The following ADARB2 variants were observed in gnomAD, a reference collection of about 807,000 sequenced individuals.
The protein encoded by ADARB2 is adenosine deaminase RNA specific B2 (inactive), also known as inactive double-stranded RNA-specific editase B2.
A neutral mutation model predicts 62.2 loss-of-function variants in ADARB2; 25 were observed. That is an observed-to-expected ratio of 0.40 (90% CI 0.29 to 0.56). The LOEUF (loss-of-function observed/expected upper bound fraction) is 0.56, where lower values mean the gene tolerates loss of function less well. Among genes scored for constraint, ADARB2 ranks in the 20% least tolerant of loss-of-function variants. The pLI is 0.43. For missense variants in ADARB2, 1,071 were observed against 1,077.4 expected (o/e 0.99, Z 0.08); for synonymous variants, 572 against 500.8 (o/e 1.14, Z -1.90).
intron 1 of ADARB2, among the ~76,000 whole-genome samples, chr10:1,441,511 G>T (rs1287647538): frequency 6.6e-6 from 1 of 152,116 alleles, no homozygotes; most frequent in Non-Finnish European, 1.5e-5. Flanking sequence ...AACAGTTAAA[G>T]ATATTTTCCA....
intron 1 of ADARB2, among the ~76,000 whole-genome samples, chr10:1,497,799 A>G (rs1318241427): frequency 1.3e-5 from 2 of 152,048 alleles, no homozygotes; most frequent in Non-Finnish European, 2.9e-5. Context: ...CTGCAGAAGT[A>G]ACCACTTTAA....
At chr10:1,279,016 T>G (rs1440244915) in intron 3 of ADARB2, among the ~76,000 whole-genome samples, 2 of 152,138 alleles carry the variant, frequency 1.3e-5, no homozygotes, top group Non-Finnish European at 2.9e-5. Flanking sequence ...AAAAGTTGGT[T>G]ATTTTTCCCA....
In ADARB2 at chr10:1,216,718, C is replaced by T. The variant is rs532771792; in HGVS notation, c.1682+233G>A. Reference sequence around the variant, plus strand: ...TGCTCGGGGCTGTTTGCCTCTGCAGCGGCAGCCTCGGGTGGCAGGGCCTTG... The same window carrying T: ...TGCTCGGGGCTGTTTGCCTCTGCAGTGGCAGCCTCGGGTGGCAGGGCCTTG... On this transcript the variant is annotated intron_variant, in intron 7 of 9. Coordinates refer to ENST00000381312, the MANE Select transcript of ADARB2 (RefSeq NM_018702.4). 6.5e-5 allele frequency: 38 copies of T among 586,666 alleles called. 1 individual carries two copies. The highest frequency in any genetic ancestry group is 4.6e-4 in the Middle Eastern group (1 of 2,160). 36.3% of individuals were successfully genotyped at this position (586,666 alleles called of 1,614,324 possible). A position where few individuals can be genotyped will look rare whatever the true frequency, so the allele number is the denominator to read the frequency against.
At chr10:1,677,557 C>A (rs148472792) in intron 1 of ADARB2, among the ~76,000 whole-genome samples, 1 of 152,136 alleles carries the variant, frequency 6.6e-6, no homozygotes, top group South Asian at 2.1e-4. Flanking sequence ...GTGTCCTAGC[C>A]GGGACCCAAA....
At chr10:1,721,363 A>T (rs1835090325) in intron 1 of ADARB2, among the ~76,000 whole-genome samples, 1 of 152,260 alleles carries the variant, frequency 6.6e-6, no homozygotes, top group Non-Finnish European at 1.5e-5. Flanking sequence ...AGAAAGAACA[A>T]GTATCAAACA....
chr10:1,256,585 T>G (rs769274346), intron 4 of ADARB2, among the ~76,000 whole-genome samples: 1 of 152,180 alleles, frequency 6.6e-6, no homozygotes, highest in Non-Finnish European at 1.5e-5. Context: ...ACATAGAATT[T>G]GGGGTAGGAT....
chr10:1,425,539 G>A (rs1288994622), intron 1 of ADARB2, among the ~76,000 whole-genome samples: 2 of 152,198 alleles, frequency 1.3e-5, no homozygotes, highest in Non-Finnish European at 2.9e-5. Context: ...CATACTCCCA[G>A]TCCTCTGTCA....
intron 1 of ADARB2, among the ~76,000 whole-genome samples, chr10:1,513,349 C>T (rs1588283536): frequency 6.6e-6 from 1 of 152,182 alleles, no homozygotes; most frequent in South Asian, 2.1e-4. Flanking sequence ...CTGGCTATGA[C>T]GGGATGACCG....
intron 1 of ADARB2, 64 bp downstream of exon 1, chr10:1,736,987 G>C: frequency 6.5e-7 from 1 of 1,541,652 alleles, no homozygotes; most frequent in East Asian, 2.2e-5. Context: ...GACCCCATGA[G>C]AGGCCGGGGT....
intron 1 of ADARB2, among the ~76,000 whole-genome samples, chr10:1,575,994 AAAGGGAAGTTCAGGATCCATG>A (rs1833008671): frequency 3.5e-4 from 11 of 31,538 alleles, no homozygotes; most frequent in Admixed American, 4.6e-4. Flanking sequence ...CAGGGTCACT[AAAGGGAAGTTCAGGATCCATG>A]GGAGGGGGCC....
chr10:1,575,927 A>G (rs1470137150), intron 1 of ADARB2, among the ~76,000 whole-genome samples: 1 of 45,654 alleles, frequency 2.2e-5, no homozygotes, highest in Admixed American at 1.8e-4. Context: ...AGGGGCACCT[A>G]TAGCTGCAGA....
rs180731831 is a variant in ADARB2, at chr10:1,580,102, C to A, written c.100+156949G>T. On this transcript the variant is annotated intron_variant, in intron 1 of 9. Transcript: ENST00000381312. ...ATTGTCTATGCTGTGTGCCAGATTT[C>A]TTTCTTATTTTTAAAAAACCTTTAT... Among the ~76,000 whole-genome samples, 50 of 152,320 alleles carry A rather than the reference C, an allele frequency of 3.3e-4. 1 individual carries two copies. In the East Asian group the frequency reaches 9.3e-3, roughly 28 times the overall value.
chr10:1,466,797 G>T (rs953998347), intron 1 of ADARB2, among the ~76,000 whole-genome samples: 1 of 152,218 alleles, frequency 6.6e-6, no homozygotes, highest in African/African-American at 2.4e-5. Context: ...CGTTCCCCGT[G>T]ACATGGGATG....
chr10:1,673,688 A>G (rs527463508), intron 1 of ADARB2, among the ~76,000 whole-genome samples: 2 of 152,310 alleles, frequency 1.3e-5, no homozygotes, highest in East Asian at 3.9e-4. Context: ...GAAAGGGCGA[A>G]TCCCTCCAAT....
chr10:1,223,276 G>A (rs1830712567), intron 6 of ADARB2, among the ~76,000 whole-genome samples: 1 of 152,204 alleles, frequency 6.6e-6, no homozygotes, highest in Non-Finnish European at 1.5e-5. Context: ...TGTATCCTGA[G>A]ACTTTGCTGA....
intron 1 of ADARB2, among the ~76,000 whole-genome samples, chr10:1,591,847 C>T (rs7896504): frequency 0.25 from 37,597 of 152,136 alleles, 5,053 homozygotes; most frequent in African/African-American, 0.34. Flanking sequence ...CTCTGTGTAG[C>T]GCTGGTATCT....
At chr10:1,413,265 G>T (rs1484045954) in intron 1 of ADARB2, among the ~76,000 whole-genome samples, 2 of 152,034 alleles carry the variant, frequency 1.3e-5, no homozygotes, top group African/African-American at 2.4e-5. Flanking sequence ...GTGCAGGAAG[G>T]GGGTCCCCAG....
chr10:1,593,263 T>G (rs1383423670), intron 1 of ADARB2, among the ~76,000 whole-genome samples: 1 of 84,100 alleles, frequency 1.2e-5, no homozygotes, highest in African/African-American at 5.2e-5. Context: ...TCACCCAGCT[T>G]CCCTCACCCA....
At chr10:1,725,989 C>T (rs1447846325) in intron 1 of ADARB2, among the ~76,000 whole-genome samples, 2 of 152,238 alleles carry the variant, frequency 1.3e-5, no homozygotes, top group Non-Finnish European at 2.9e-5. Context: ...TATGTACAAA[C>T]AGTATACAGC....
Sources: allele counts gnomAD v4.1 joint callset (sites outside exome capture counted in the v4.1 genomes callset), GRCh38; gene constraint gnomAD v4.1.1; transcripts MANE v1.5; gene names NCBI Gene and HGNC (gene_info 2026-07-23, HGNC 2026-07-21).